Variants in IHH observed in about 807,000 individuals in gnomAD.
IHH encodes indian hedgehog protein.
IHH carries 9 observed loss-of-function variants against 29.4 expected under a neutral mutation model. The ratio of observed to expected loss-of-function variants is 0.31; its 90% CI spans 0.18 to 0.53. The LOEUF (loss-of-function observed/expected upper bound fraction) is 0.53, where lower values mean the gene tolerates loss of function less well. Ranked by LOEUF, IHH falls within the 20% of genes least tolerant of loss-of-function variation. IHH has a pLI of 0.95. For missense variants in IHH, 454 were observed against 578.1 expected, an observed-to-expected ratio of 0.79 and a Z score of 2.20; for synonymous variants, 254 against 252.7, an observed-to-expected ratio of 1.01 and a Z score of -0.05.
In IHH at chr2:219,054,903, T is replaced by G; in HGVS notation, c.*304A>C. 2.4e-6 allele frequency: 1 copy of G among 412,316 alleles called. No individual in the cohort carries two copies. 25.5% of individuals were successfully genotyped at this position (412,316 alleles called of 1,614,324 possible). A position where few individuals can be genotyped will look rare whatever the true frequency, so the allele number is the denominator to read the frequency against. On this transcript the variant is annotated 3_prime_UTR_variant, in exon 3 of 3. Transcript: ENST00000295731. ...GCCCTCCCCAATGGGGGAGGCAGAG[T>G]ATGAAAACTCGTAGTGAGAGCAGGC...
chr2:219,056,602 T>C (rs1313157377), intron 2 of IHH, among the ~76,000 whole-genome samples: 1 of 151,994 alleles, frequency 6.6e-6, no homozygotes, highest in Non-Finnish European at 1.5e-5. Flanking sequence ...CAGGGTGTGG[T>C]TGTGGGTCAG....
chr2:219,058,730 C>A, intron 1 of IHH: 1 of 154,992 alleles, frequency 6.5e-6, no homozygotes, highest in Non-Finnish European at 1.5e-5. Flanking sequence ...GGGGAAAGGC[C>A]CTTCCACCAG....
Position 219,057,713 on chromosome 2 carries a change from CG to C in IHH, c.316-20del. On this transcript the variant is annotated intron_variant, in intron 1 of 2. Coordinates refer to ENST00000295731, the MANE Select transcript of IHH (RefSeq NM_002181.4). ...TGCAGCGCTGGGAGAGGAATGTGCG[CG>C]AAATCAACCAGAGCGAAATCAGCCG... 1 of 1,602,542 alleles carries C rather than the reference CG, an allele frequency of 6.2e-7. No individual in the cohort carries two copies. Among genetic ancestry groups the C allele is most frequent in the Non-Finnish European group, 8.5e-7 (1 of 1,179,950 alleles).
Position 219,055,076 on chromosome 2 carries a change from A to G in IHH, c.*131T>C. On this transcript the variant is annotated 3_prime_UTR_variant, in exon 3 of 3. Coordinates refer to ENST00000295731, the MANE Select transcript of IHH (RefSeq NM_002181.4). ...TTGCCCAGTCAAGTCTCAATGGTGT[A>G]TCTTCATGGCAGAGGAGATGGCAGG... 1.0e-6 allele frequency: 1 copy of G among 954,098 alleles called. No homozygotes were observed. The highest frequency in any genetic ancestry group is 1.6e-6 in the Non-Finnish European group (1 of 631,546). 59.1% of individuals were successfully genotyped at this position (954,098 alleles called of 1,614,324 possible). A position where few individuals can be genotyped will look rare whatever the true frequency, so the allele number is the denominator to read the frequency against.
Position 219,060,263 on chromosome 2 carries a change from C to T in IHH, c.205G>A (p.Gly69Ser), listed in dbSNP as rs1285043208. The T allele has an allele frequency of 1.9e-6, 3 of 1,613,580 alleles. No individual in the cohort carries two copies. Among genetic ancestry groups the T allele is most frequent in the African/African-American group, 1.3e-5 (1 of 74,916 alleles). ...KTLGASGRYE[G>S]KIARSSERFK... ...CGCTCGGAGCTGCGAGCGATCTTGC[C>T]TTCATAGCGTCCGCTGGCGCCCAGG... Residue 69 changes from glycine (G) to serine (S), a missense_variant, in exon 1 of 3, where the codon GGC becomes AGC. By Grantham distance (56) the Gly-to-Ser change is moderately conservative. Transcript: ENST00000295731. This position sits in a 1 kb window ranked among gnomAD's most constrained non-coding sequence, Gnocchi z 8.8.
Position 219,060,639 on chromosome 2 carries a change from C to G in IHH, c.-172G>C, listed in dbSNP as rs1574689673. ...GGGCCGGCGGGACTCAAGTGCGGGG[C>G]GGGGGCCCAGGGCCCGAGCTGGTGG... On this transcript the variant is annotated 5_prime_UTR_variant, in exon 1 of 3. Transcript: ENST00000295731. The surrounding 1 kb of genome is among the most constrained non-coding windows in gnomAD (Gnocchi z 8.8). Among the ~76,000 whole-genome samples the G allele has an allele frequency of 6.6e-6, 1 of 151,126 alleles. No homozygotes were observed. Among genetic ancestry groups the G allele is most frequent in the African/African-American group, 2.4e-5 (1 of 41,242 alleles).
chr2:219,055,899 T>C (rs1489769809), intron 2 of IHH, 34 bp from the exon 3 acceptor site: 1 of 1,586,828 alleles, frequency 6.3e-7, no homozygotes, highest in East Asian at 2.3e-5. Context: ...GTGTTACTGC[T>C]GTGCAGCTCA....
rs1948813890 is a variant in IHH, at chr2:219,054,650, A to T, written c.*557T>A. ...CGGCACTACGGTCACATTGGCCAGA[A>T]CACAGAACTCTGCCCACAGACAGCA... On this transcript the variant is annotated 3_prime_UTR_variant, in exon 3 of 3. Transcript: ENST00000295731. The T allele has an allele frequency of 6.4e-6, 1 of 155,826 alleles. No homozygotes were observed. Among genetic ancestry groups the T allele is most frequent in the South Asian group, 2.0e-4 (1 of 4,984 alleles). The allele number at this position is 155,826 out of a possible 1,614,324, so 9.7% of individuals were successfully genotyped here. A position where few individuals can be genotyped will look rare whatever the true frequency, so the allele number is the denominator to read the frequency against.
rs566443854 is a variant in IHH at position 219,057,096 on chromosome 2, G to T, written c.577+337C>A. Among the ~76,000 whole-genome samples, 3 of 152,296 alleles carry T rather than the reference G, an allele frequency of 2.0e-5. No homozygotes were observed. In the South Asian group the frequency reaches 6.2e-4, roughly 32 times the overall value. On this transcript the variant is annotated intron_variant, in intron 2 of 2. Coordinates refer to ENST00000295731, the MANE Select transcript of IHH (RefSeq NM_002181.4). ...ACCCGCCTTGTTCTGTGCCAGGTGG[G>T]GTGGGGAGGCCTTGTCTGGCAGCCT... is the stretch of plus-strand genomic sequence containing the variant.
In IHH at chr2:219,060,477, GC is replaced by G; in HGVS notation, c.-11del. 6.9e-7 allele frequency: 1 copy of G among 1,457,562 alleles called. No homozygotes were observed. Among genetic ancestry groups the G allele is most frequent in the Non-Finnish European group, 9.0e-7 (1 of 1,111,340 alleles). The allele number at this position is 1,457,562 out of a possible 1,614,324, so 90.3% of individuals were successfully genotyped here. ...GCCGGGCGGGAGACATGGCCGGGGA[GC>G]CCGGGGGAGCGGCGGGCGAGGTCTC... On this transcript the variant is annotated 5_prime_UTR_variant, in exon 1 of 3. Coordinates refer to ENST00000295731, the MANE Select transcript of IHH (RefSeq NM_002181.4). This position sits in a 1 kb window ranked among gnomAD's most constrained non-coding sequence, Gnocchi z 8.8.
rs1948821564 is a variant in IHH at position 219,055,464 on chromosome 2, C to T, written c.979G>A (p.Gly327Arg). 1.2e-6 allele frequency: 2 copies of T among 1,610,964 alleles called. No homozygotes were observed. The highest frequency in any genetic ancestry group is 8.5e-7 in the Non-Finnish European group (1 of 1,178,386). Residue 327 changes from glycine (G) to arginine (R), a missense_variant, in exon 3 of 3, where the codon GGG becomes AGG. This residue lies in a region of IHH where 271 missense variants were observed against 315.9 expected (regional missense o/e 0.86). Transcript: ENST00000295731. ...VAAVSTHVAL[G>R]AYAPLTKHGT... ...TGCTTTGTGAGCGGGGCGTAGGCCC[C>T]GAGGGCCACGTGTGTAGAGACAGCT...
chr2:219,057,418 C>A lies in IHH; in HGVS notation c.577+15G>T, dbSNP rs777641761. 6.4e-7 allele frequency: 1 copy of A among 1,556,180 alleles called. No individual in the cohort carries two copies. The highest frequency in any genetic ancestry group is 8.7e-7 in the Non-Finnish European group (1 of 1,150,216). On this transcript the variant is annotated intron_variant, in intron 2 of 2. Transcript: ENST00000295731. ...CGGCCCCGGCCCCGGGCCCAGCCCC[C>A]CGGCGGCGGCTCACCGGACTTGACG... is the stretch of plus-strand genomic sequence containing the variant.
At position 219,055,304 on chromosome 2, in the gene IHH, C is replaced by G; in HGVS notation, c.1139G>C (p.Gly380Ala). 1 of 1,612,802 alleles carries G rather than the reference C, an allele frequency of 6.2e-7. No individual in the cohort carries two copies. Among genetic ancestry groups the G allele is most frequent in the Non-Finnish European group, 8.5e-7 (1 of 1,179,802 alleles). Residue 380 changes from glycine (G) to alanine (A), a missense_variant, in exon 3 of 3, where the codon GGT becomes GCT. By Grantham distance (60) the Gly-to-Ala change is moderately conservative. This residue lies in a region of IHH where 271 missense variants were observed against 315.9 expected (regional missense o/e 0.86). Transcript: ENST00000295731. Reference sequence around the variant, plus strand: ...GAGCAGCTGGGGGTACCAATGCACACCCTCCCCCGGAGTCCAGCTGCCCCA... The same window carrying G: ...GAGCAGCTGGGGGTACCAATGCACAGCCTCCCCCGGAGTCCAGCTGCCCCA... ...LAWGSWTPGE[G>A]VHWYPQLLYR... is the part of the protein sequence containing the mutation.
chr2:219,057,299 G>A, intron 2 of IHH, 134 bp downstream of exon 2: 1 of 1,030,450 alleles, frequency 9.7e-7, no homozygotes. Flanking sequence ...CAGCCTTGGA[G>A]AGCGCCGCTG....
In IHH at chr2:219,055,244, C is replaced by T. The variant is rs1462205737; in HGVS notation, c.1199G>A (p.Ser400Asn). 1 of 1,600,944 alleles carries T rather than the reference C, an allele frequency of 6.2e-7. No homozygotes were observed. Among genetic ancestry groups the T allele is most frequent in the Non-Finnish European group, 8.5e-7 (1 of 1,174,466 alleles). The change falls in exon 3 of 3, where the codon AGC becomes AAC. Residue 400 changes from serine (S) to asparagine (N), a missense_variant. Ser to Asn is a conservative substitution (Grantham distance 46, BLOSUM62 1). Transcript: ENST00000295731. ...CCCGGACATGCCCAGTGGGTGGAAG[C>T]TGCCCTCTTCTAGCAGGAGACGCCC... is the stretch of plus-strand genomic sequence containing the variant. ...RLGRLLLEEG[S>N]FHPLGMSGAG...
Position 219,060,569 on chromosome 2 carries a change from C to G in IHH, c.-102G>C. 1 of 735,298 alleles carries G rather than the reference C, an allele frequency of 1.4e-6. No individual in the cohort carries two copies. The highest frequency in any genetic ancestry group is 1.9e-6 in the Non-Finnish European group (1 of 523,532). 45.5% of individuals were successfully genotyped at this position (735,298 alleles called of 1,614,324 possible). A position where few individuals can be genotyped will look rare whatever the true frequency, so the allele number is the denominator to read the frequency against. On this transcript the variant is annotated 5_prime_UTR_variant, in exon 1 of 3. Transcript: ENST00000295731. The surrounding 1 kb of genome is among the most constrained non-coding windows in gnomAD (Gnocchi z 8.8). ...GGGGGCTCAGGCGTCCGGGTGGCTC[C>G]GGGGGGCTCCAGGCGGGGGCGCCAT...
In IHH at chr2:219,060,325, G is replaced by A. The variant is rs752362743; in HGVS notation, c.143C>T (p.Ala48Val). Residue 48 changes from alanine to valine, a missense_variant, in exon 1 of 3, where the codon GCC (alanine) becomes GTC (valine). Physicochemically the swap from Ala to Val is moderately conservative, Grantham distance 64 (BLOSUM62 0). Coordinates refer to ENST00000295731, the MANE Select transcript of IHH (RefSeq NM_002181.4). This position sits in a 1 kb window ranked among gnomAD's most constrained non-coding sequence, Gnocchi z 8.8. ...RRPPRKLVPL[A>V]YKQFSPNVPE... is the part of the protein sequence containing the mutation. ...CACATTGGGGCTGAACTGCTTGTAG[G>A]CGAGCGGCACGAGTTTGCGTGGCGG... 56 of 1,611,590 alleles carry A rather than the reference G, an allele frequency of 3.5e-5. No individual in the cohort carries two copies. The highest frequency in any genetic ancestry group is 3.8e-5 in the Non-Finnish European group (45 of 1,179,738).
chr2:219,060,024 G>A lies in IHH; in HGVS notation c.315+129C>T. 1.2e-6 allele frequency: 1 copy of A among 812,614 alleles called. No individual in the cohort carries two copies. The highest frequency in any genetic ancestry group is 1.7e-5 in the South Asian group (1 of 59,138). The allele number at this position is 812,614 out of a possible 1,614,324, so 50.3% of individuals were successfully genotyped here. On this transcript the variant is annotated intron_variant, in intron 1 of 2. Coordinates refer to ENST00000295731, the MANE Select transcript of IHH (RefSeq NM_002181.4). The surrounding 1 kb of genome is among the most constrained non-coding windows in gnomAD (Gnocchi z 8.8). ...AGCCCATCTTGGGCAGGAGGCAGCG[G>A]GGCTTGGCGAGAGGGGCAGGTGCCA... is the stretch of plus-strand genomic sequence containing the variant.
intron 2 of IHH, 32 bp downstream of exon 2, chr2:219,057,401 G>A (rs1449181741): frequency 3.9e-6 from 6 of 1,551,818 alleles, no homozygotes; most frequent in Non-Finnish European, 5.2e-6. Flanking sequence ...TGCGGCCCCG[G>A]CCCCGGGCCC....
Sources: gnomAD v4.1 joint callset for allele counts (sites outside exome capture counted in the v4.1 genomes callset) on GRCh38, gnomAD v4.1.1 for gene constraint, gnomAD v4.1.1 regional missense constraint, Gnocchi (gnomAD v3.1) non-coding constraint, MANE v1.5 for transcripts, NCBI Gene and HGNC (gene_info 2026-07-23, HGNC 2026-07-21) for gene names.